The following FBXO42 variants were observed in gnomAD, a reference collection of about 807,000 sequenced individuals.
FBXO42 encodes the protein F-box only protein 42.
FBXO42 carries 12 observed loss-of-function variants against 71.7 expected under a neutral mutation model. The ratio of observed to expected loss-of-function variants is 0.17; its 90% CI spans 0.11 to 0.27. The LOEUF (loss-of-function observed/expected upper bound fraction) is 0.27, where lower values mean the gene tolerates loss of function less well. Ranked by LOEUF, FBXO42 falls within the 10% of genes least tolerant of loss-of-function variation. The pLI is 1.00. For missense variants in FBXO42, 707 were observed against 911.9 expected, an observed-to-expected ratio of 0.78 and a Z score of 2.89; for synonymous variants, 325 against 327.5, an observed-to-expected ratio of 0.99 and a Z score of 0.08.
At position 16,310,998 on chromosome 1, in the gene FBXO42, A is replaced by AAAC. The variant is rs76972333; in HGVS notation, c.250+4170_250+4171insGTT. On this transcript the variant is annotated intron_variant, in intron 2 of 9. Coordinates refer to ENST00000375592, the MANE Select transcript of FBXO42 (RefSeq NM_018994.3). ...CAAAACAAACAAACAAACAAACAAAAAAACTCAACATTAATAAACAAACAA... is the reference window on the plus strand; with the variant it reads ...CAAAACAAACAAACAAACAAACAAAAAACAAACTCAACATTAATAAACAAACAA... 3.3e-4 allele frequency among the ~76,000 whole-genome samples: 38 copies of AAAC among 116,072 alleles called. No homozygotes were observed. In the East Asian group the frequency reaches 6.3e-3, roughly 19 times the overall value. The allele number at this position is 116,072 out of a possible 152,430, so 76.1% of individuals were successfully genotyped here. A position where few individuals can be genotyped will look rare whatever the true frequency, so the allele number is the denominator to read the frequency against.
intron 4 of FBXO42, among the ~76,000 whole-genome samples, chr1:16,279,027 C>T (rs572483700): frequency 5.9e-5 from 9 of 152,134 alleles, no homozygotes; most frequent in Admixed American, 2.6e-4. Context: ...CTGCCTGGGT[C>T]GGCCTCCCAA....
chr1:16,253,363 CA>C, intron 7 of FBXO42: 1 of 594,300 alleles, frequency 1.7e-6, no homozygotes. Flanking sequence ...CTTTGTTGAT[CA>C]AATATTAACA....
chr1:16,317,736 C>A (rs2082380662), intron 1 of FBXO42, among the ~76,000 whole-genome samples: 3 of 151,946 alleles, frequency 2.0e-5, no homozygotes, highest in Admixed American at 2.0e-4. Context: ...CCAGCCTGGG[C>A]AACAAAGTGA....
Position 16,252,503 on chromosome 1 carries a change from G to A in FBXO42, c.922-99C>T. 2.1e-6 allele frequency: 2 copies of A among 941,416 alleles called. No homozygotes were observed. The highest frequency in any genetic ancestry group is 3.6e-5 in the Admixed American group (2 of 55,644). The allele number at this position is 941,416 out of a possible 1,614,324, so 58.3% of individuals were successfully genotyped here. On this transcript the variant is annotated intron_variant, in intron 8 of 9. Transcript: ENST00000375592. The surrounding 1 kb of genome is among the most constrained non-coding windows in gnomAD (Gnocchi z 4.4). The stretch of plus-strand genomic sequence containing the variant: ...TCTCAAAGCTCTCCTGTCTGGTCTT[G>A]AAAGGATGTGGACTCTTCAGAAGGA...
chr1:16,261,481 T>C (rs1441919434), intron 4 of FBXO42, among the ~76,000 whole-genome samples: 1 of 152,238 alleles, frequency 6.6e-6, no homozygotes, highest in Non-Finnish European at 1.5e-5. Flanking sequence ...TGGCCTATTT[T>C]ATGTCACAAA....
chr1:16,314,188 G>A (rs2082341640), intron 2 of FBXO42, among the ~76,000 whole-genome samples: 1 of 152,170 alleles, frequency 6.6e-6, no homozygotes, highest in Admixed American at 6.5e-5. Flanking sequence ...GACCTCAGGT[G>A]ACCCACCTGC....
At chr1:16,309,636 C>T (rs900858429) in intron 2 of FBXO42, among the ~76,000 whole-genome samples, 6 of 152,126 alleles carry the variant, frequency 3.9e-5, no homozygotes, top group Non-Finnish European at 4.4e-5. Context: ...TAGCTCACGC[C>T]TGTAATCCCA....
intron 4 of FBXO42, among the ~76,000 whole-genome samples, chr1:16,277,384 CT>C (rs2081915840): frequency 1.3e-5 from 2 of 150,804 alleles, no homozygotes; most frequent in South Asian, 2.1e-4. Flanking sequence ...CTTTTTTTTT[CT>C]TTTTTTCTCC....
intron 4 of FBXO42, chr1:16,294,437 C>A: frequency 4.4e-6 from 1 of 228,864 alleles, no homozygotes; most frequent in African/African-American, 2.3e-5. Flanking sequence ...TAGCTTCTGT[C>A]AGTCAACTAC....
chr1:16,344,217 C>T (rs993649934), intron 1 of FBXO42, among the ~76,000 whole-genome samples: 2 of 151,670 alleles, frequency 1.3e-5, no homozygotes, highest in Non-Finnish European at 2.9e-5. Context: ...AGGCTGGTCT[C>T]GAACTCCTGA....
At chr1:16,309,757 G>A (rs936322615) in intron 2 of FBXO42, among the ~76,000 whole-genome samples, 4 of 151,888 alleles carry the variant, frequency 2.6e-5, no homozygotes, top group Admixed American at 1.3e-4. Flanking sequence ...AACATTAGCC[G>A]GGTGTGGCCG....
chr1:16,248,789 A>C lies in FBXO42; in HGVS notation c.*1881T>G, dbSNP rs1019107493. The C allele has an allele frequency of 6.6e-6, 1 of 152,292 alleles. No homozygotes were observed. The highest frequency in any genetic ancestry group is 2.4e-5 in the African/African-American group (1 of 41,476). The allele number at this position is 152,292 out of a possible 1,614,324, so 9.4% of individuals were successfully genotyped here. ...GGAGCTCCAAGCAGTTGGATGCCAC[A>C]TAAGTAGACACATGTTGTTTCCTCA... On this transcript the variant is annotated 3_prime_UTR_variant, in exon 10 of 10. Coordinates refer to ENST00000375592, the MANE Select transcript of FBXO42 (RefSeq NM_018994.3).
At chr1:16,315,598 G>C (rs1232145409) in intron 1 of FBXO42, among the ~76,000 whole-genome samples, 163 bp from the exon 2 acceptor site, 1 of 152,096 alleles carries the variant, frequency 6.6e-6, no homozygotes, top group Non-Finnish European at 1.5e-5. Context: ...AATTCGACAG[G>C]TACAGCTCAA....
Position 16,251,157 on chromosome 1 carries a change from A to G in FBXO42, c.1667T>C (p.Leu556Pro), listed in dbSNP as rs774607164. The G allele has an allele frequency of 1.2e-6, 2 of 1,614,186 alleles. No homozygotes were observed. Among genetic ancestry groups the G allele is most frequent in the Non-Finnish European group, 1.7e-6 (2 of 1,180,034 alleles). Reference protein sequence around the residue: ...ALAGAVSPGALRRSLEAIKAM... With the variant: ...ALAGAVSPGAPRRSLEAIKAM... The stretch of plus-strand genomic sequence containing the variant: ...TTTGATGGCTTCCAGACTCCGACGC[A>G]GGGCACCTGGGGAGACGGCCCCTGC... The change falls in exon 10 of 10, where the codon CTG becomes CCG. Residue 556 changes from leucine (L) to proline (P), a missense_variant. Coordinates refer to ENST00000375592, the MANE Select transcript of FBXO42 (RefSeq NM_018994.3). The surrounding 1 kb of genome is among the most constrained non-coding windows in gnomAD (Gnocchi z 4.5).
In FBXO42 at chr1:16,294,688, C is replaced by T. The variant is rs1007150; in HGVS notation, c.502+95G>A. 0.74 allele frequency: 995,924 copies of T among 1,350,434 alleles called. 372,610 individuals carry two copies. The highest frequency in any genetic ancestry group is 0.86 in the East Asian group (37,029 of 42,822). The allele number at this position is 1,350,434 out of a possible 1,614,324, so 83.7% of individuals were successfully genotyped here. A position where few individuals can be genotyped will look rare whatever the true frequency, so the allele number is the denominator to read the frequency against. On this transcript the variant is annotated intron_variant, in intron 4 of 9. Transcript: ENST00000375592. ...CTTAAGGACCTGAGTCCCAGTAACCCATCCTTGAGACCAACACCAAAAATG... is the reference window on the plus strand; with the variant it reads ...CTTAAGGACCTGAGTCCCAGTAACCTATCCTTGAGACCAACACCAAAAATG...
intron 1 of FBXO42, among the ~76,000 whole-genome samples, chr1:16,332,666 G>A (rs1231361901): frequency 6.6e-6 from 1 of 151,558 alleles, no homozygotes; most frequent in East Asian, 1.9e-4. Context: ...TCAAGCTGCT[G>A]AACAGCTGGG....
intron 3 of FBXO42, among the ~76,000 whole-genome samples, chr1:16,298,262 A>G (rs1323411513): frequency 6.6e-6 from 1 of 152,118 alleles, no homozygotes; most frequent in Non-Finnish European, 1.5e-5. Flanking sequence ...AACTACAAAT[A>G]ACAAAGGATC....
intron 4 of FBXO42, 42 bp downstream of exon 4, chr1:16,294,741 G>A (rs201652491): frequency 3.7e-6 from 6 of 1,601,598 alleles, no homozygotes; most frequent in East Asian, 2.2e-5. Context: ...TGCCAAGGGA[G>A]TCACCTGGTA....
At chr1:16,325,413 A>C (rs1458228115) in intron 1 of FBXO42, among the ~76,000 whole-genome samples, 2 of 152,196 alleles carry the variant, frequency 1.3e-5, no homozygotes, top group Non-Finnish European at 2.9e-5. Flanking sequence ...ACCAAAAAAA[A>C]AGCCTAGAAA....
Sources: gnomAD v4.1 joint callset for allele counts (sites outside exome capture counted in the v4.1 genomes callset) on GRCh38, gnomAD v4.1.1 for gene constraint, Gnocchi (gnomAD v3.1) non-coding constraint, MANE v1.5 for transcripts, NCBI Gene and HGNC (gene_info 2026-07-23, HGNC 2026-07-21) for gene names.